RBFOX3: variants seen among roughly 807,000 people sequenced by gnomAD.
The protein encoded by RBFOX3 is RNA binding fox-1 homolog 3.
In RBFOX3, 17 loss-of-function variants were observed where a neutral mutation model predicts 48.7. The ratio of observed to expected loss-of-function variants is 0.35; its 90% CI spans 0.24 to 0.52. The LOEUF is 0.52. RBFOX3 is among the 20% of genes least tolerant of loss of function. RBFOX3 has a pLI of 0.94. For synonymous variants in RBFOX3, 212 were observed against 209.5 expected, an observed-to-expected ratio of 1.01 and a Z score of -0.10; for missense variants, 382 against 497.5, an observed-to-expected ratio of 0.77 and a Z score of 2.21.
At chr17:79,325,687 C>CA (rs1440475339) in intron 2 of RBFOX3, among the ~76,000 whole-genome samples, 2 of 152,218 alleles carry the variant, frequency 1.3e-5, no homozygotes, top group Non-Finnish European at 2.9e-5. Flanking sequence ...AGTACAGCTG[C>CA]AGTGGCTCCT....
intron 2 of RBFOX3, among the ~76,000 whole-genome samples, chr17:79,469,143 G>GAA (rs34560473): frequency 1.3e-4 from 19 of 151,948 alleles, no homozygotes; most frequent in African/African-American, 4.4e-4. Context: ...AAAATGTAGG[G>GAA]AAAAAACCCC....
At chr17:79,625,719 G>C in the RBFOX3 span, among the ~76,000 whole-genome samples, 1 of 152,186 alleles carries the variant, frequency 6.6e-6, no homozygotes, top group African/African-American at 2.4e-5. Context: ...TTGAACCCGG[G>C]AGGTGGAAGT....
In RBFOX3 at chr17:79,485,949, G is replaced by T. The variant is rs753404282; in HGVS notation, c.-319-3351C>A. On this transcript the variant is annotated intron_variant, in intron 1 of 14. Transcript: ENST00000693108. ...GTAATGGCATGTTTTTCCCCACTCC[G>T]CAGTGGGAAACACCATCCATCATCC... 3.3e-3 allele frequency among the ~76,000 whole-genome samples: 502 copies of T among 152,352 alleles called. 1 individual carries two copies. Among genetic ancestry groups the T allele is most frequent in the Admixed American group, 5.9e-3 (91 of 15,306 alleles).
chr17:79,614,299 G>GC (rs1454033953), upstream of RBFOX3, among the ~76,000 whole-genome samples: 164 of 152,344 alleles, frequency 1.1e-3, 2 homozygotes, highest in Middle Eastern at 0.024. Flanking sequence ...TGCACGGAGA[G>GC]CCCCCCTTTT....
chr17:79,351,364 C>T (rs2083909675), intron 2 of RBFOX3, among the ~76,000 whole-genome samples: 2 of 152,200 alleles, frequency 1.3e-5, no homozygotes, highest in South Asian at 4.1e-4. Context: ...ACATGCTTTA[C>T]ATTCCTATCT....
At chr17:79,287,899 T>C (rs1216375509) in intron 3 of RBFOX3, among the ~76,000 whole-genome samples, 2 of 152,150 alleles carry the variant, frequency 1.3e-5, no homozygotes, top group African/African-American at 4.8e-5. Context: ...GATTGTCACA[T>C]TGCGGCACGT....
At chr17:79,553,106 G>GA (rs1185763013) in intron 1 of RBFOX3, among the ~76,000 whole-genome samples, 3 of 152,002 alleles carry the variant, frequency 2.0e-5, no homozygotes, top group African/African-American at 7.2e-5. Context: ...TCCACATTAA[G>GA]AAAAAAATGA....
chr17:79,566,675 G>A (rs1351117113), intron 1 of RBFOX3, among the ~76,000 whole-genome samples: 2 of 152,258 alleles, frequency 1.3e-5, no homozygotes, highest in African/African-American at 2.4e-5. Flanking sequence ...TGACCTGCCT[G>A]TGGGCCTAGG....
intron 4 of RBFOX3, among the ~76,000 whole-genome samples, chr17:79,230,064 C>T (rs1177636503): frequency 2.0e-5 from 3 of 152,138 alleles, no homozygotes; most frequent in African/African-American, 7.2e-5. Flanking sequence ...CTCAGCTTCT[C>T]ATGGGTCCTC....
At chr17:79,166,815 T>G (rs1355177222) in intron 4 of RBFOX3, among the ~76,000 whole-genome samples, 1 of 152,212 alleles carries the variant, frequency 6.6e-6, no homozygotes, top group East Asian at 1.9e-4. Flanking sequence ...TTTTGGGTGA[T>G]GAAAATTCAA....
chr17:79,410,842 C>T (rs1464194374), intron 2 of RBFOX3, among the ~76,000 whole-genome samples: 8 of 152,116 alleles, frequency 5.3e-5, no homozygotes. Flanking sequence ...GACTGCCGGC[C>T]CCAGGAAGGC....
intron 2 of RBFOX3, among the ~76,000 whole-genome samples, chr17:79,399,077 G>A (rs1227477674): frequency 2.0e-5 from 3 of 152,158 alleles, no homozygotes; most frequent in Non-Finnish European, 4.4e-5. Context: ...CTACAAGCCC[G>A]GGAACCCCTC....
intron 2 of RBFOX3, among the ~76,000 whole-genome samples, chr17:79,441,894 T>C (rs1208056977): frequency 2.0e-5 from 3 of 151,924 alleles, no homozygotes; most frequent in Non-Finnish European, 4.4e-5. Context: ...AGGGTCTCAC[T>C]GAATCAAAAC....
intron 2 of RBFOX3, among the ~76,000 whole-genome samples, chr17:79,354,080 C>T (rs775848025): frequency 6.6e-6 from 1 of 152,192 alleles, no homozygotes; most frequent in South Asian, 2.1e-4. Flanking sequence ...CCCCTGCCCT[C>T]CCCATGACAT....
chr17:79,425,950 T>A (rs1402498933), intron 2 of RBFOX3, among the ~76,000 whole-genome samples: 10 of 152,074 alleles, frequency 6.6e-5, no homozygotes, highest in Non-Finnish European at 2.9e-5. Context: ...GAGGGCTCTC[T>A]CTGCAATGGG....
At chr17:79,553,589 C>G in intron 1 of RBFOX3, among the ~76,000 whole-genome samples, 1 of 152,228 alleles carries the variant, frequency 6.6e-6, no homozygotes. Flanking sequence ...TGGAACCATT[C>G]AGACCACAAG....
the RBFOX3 span, among the ~76,000 whole-genome samples, chr17:79,647,239 G>T: frequency 2.6e-3 from 390 of 152,232 alleles, 1 homozygote; most frequent in African/African-American, 6.6e-3. Flanking sequence ...CACTCCACCG[G>T]TGTCGCCTGC....
chr17:79,273,649 T>C lies in RBFOX3; in HGVS notation c.-74+34075A>G, dbSNP rs2143872496. 1.3e-5 allele frequency among the ~76,000 whole-genome samples: 2 copies of C among 152,108 alleles called. 1 individual carries two copies. The highest frequency in any genetic ancestry group is 4.2e-4 in the South Asian group (2 of 4,818). On this transcript the variant is annotated intron_variant, in intron 3 of 14. Transcript: ENST00000693108. ...AGGCTGGCCCTGGTCCTGGGGCACA[T>C]AGGTGGTCCCAAGATGGGCATTGGT...
rs1483209645 is a variant in RBFOX3 at position 79,477,480 on chromosome 17, C to CG, written c.-175+4973dup. Among the ~76,000 whole-genome samples, 1 of 151,782 alleles carries CG rather than the reference C, an allele frequency of 6.6e-6. No homozygotes were observed. On this transcript the variant is annotated intron_variant, in intron 2 of 14. Transcript: ENST00000693108. The surrounding 1 kb of genome is among the most constrained non-coding windows in gnomAD (Gnocchi z 4.8). Reference sequence around the variant, plus strand: ...CTGAGGCAGGAGAATGGCGTGAACCCGGGAGGCGGAGTTTGCAGTGAGCTG... The same window carrying CG: ...CTGAGGCAGGAGAATGGCGTGAACCCGGGGAGGCGGAGTTTGCAGTGAGCTG...
Sources: gnomAD v4.1 joint callset for allele counts (sites outside exome capture counted in the v4.1 genomes callset) on GRCh38, gnomAD v4.1.1 for gene constraint, Gnocchi (gnomAD v3.1) non-coding constraint, MANE v1.5 for transcripts, NCBI Gene and HGNC (gene_info 2026-07-23, HGNC 2026-07-21) for gene names.